Variants in C12orf42 observed in about 807,000 individuals in gnomAD.
C12orf42 encodes uncharacterized protein C12orf42.
C12orf42 carries 25 observed loss-of-function variants against 21.6 expected under a neutral mutation model. That is an observed-to-expected ratio of 1.16 (90% CI 0.84 to 1.62). C12orf42 has a LOEUF of 1.62. Among genes scored for constraint, C12orf42 ranks in the 40% most tolerant of loss-of-function variants. The probability of loss-of-function intolerance (pLI) is 0.00; values close to 1 mark genes in which losing one functional copy is unlikely to be tolerated. For synonymous variants in C12orf42, 174 were observed against 175.0 expected (o/e 0.99, Z 0.05); for missense variants, 483 against 459.3 (o/e 1.05, Z -0.47).
At chr12:103,197,551 C>T in the C12orf42 span, among the ~76,000 whole-genome samples, 2 of 152,100 alleles carry the variant, frequency 1.3e-5, no homozygotes, top group African/African-American at 4.8e-5. Flanking sequence ...ATTCTGAATG[C>T]TATGTCTTTT....
chr12:103,276,216 A>G (rs1239445716), intron 5 of C12orf42, among the ~76,000 whole-genome samples: 1 of 152,232 alleles, frequency 6.6e-6, no homozygotes, highest in Non-Finnish European at 1.5e-5. Context: ...ACTGCAAATA[A>G]TAGTTCTGTA....
chr12:103,481,659 A>C (rs1954481202), intron 1 of C12orf42, among the ~76,000 whole-genome samples: 2 of 151,250 alleles, frequency 1.3e-5, no homozygotes, highest in South Asian at 4.2e-4. Context: ...GTTACTTTAA[A>C]AAAAAAATAC....
the C12orf42 span, among the ~76,000 whole-genome samples, chr12:103,145,083 A>G: frequency 1.8e-4 from 27 of 152,306 alleles, no homozygotes; most frequent in Non-Finnish European, 2.9e-4. Context: ...GATTATCTAG[A>G]AAAGCAATCA....
intron 10 of C12orf42, among the ~76,000 whole-genome samples, chr12:103,243,266 A>G (rs920168077): frequency 1.3e-5 from 2 of 152,002 alleles, no homozygotes; most frequent in East Asian, 1.9e-4. Context: ...GACTCAAACA[A>G]TGCTCCAGCC....
intron 4 of C12orf42, among the ~76,000 whole-genome samples, chr12:103,362,538 C>T (rs1370354496): frequency 1.3e-5 from 2 of 151,956 alleles, no homozygotes; most frequent in East Asian, 1.9e-4. Flanking sequence ...AAAAATAATT[C>T]AGTAGGTCAA....
chr12:103,536,032 T>C, the C12orf42 span, among the ~76,000 whole-genome samples: 14 of 152,174 alleles, frequency 9.2e-5, no homozygotes, highest in South Asian at 8.3e-4. Flanking sequence ...CCTCCTGCCT[T>C]GACCTCCCAA....
chr12:103,207,828 A>G, the C12orf42 span, among the ~76,000 whole-genome samples: 1 of 152,172 alleles, frequency 6.6e-6, no homozygotes, highest in Non-Finnish European at 1.5e-5. Flanking sequence ...ACAACATAAA[A>G]AGGCTAAGAA....
chr12:103,098,573 T>C, the C12orf42 span, among the ~76,000 whole-genome samples: 2 of 152,220 alleles, frequency 1.3e-5, no homozygotes, highest in African/African-American at 4.8e-5. Flanking sequence ...TCAATGCATG[T>C]CATCTCTCAC....
At chr12:103,434,701 A>G (rs1233520257) in intron 2 of C12orf42, among the ~76,000 whole-genome samples, 1 of 152,200 alleles carries the variant, frequency 6.6e-6, no homozygotes, top group Non-Finnish European at 1.5e-5. Flanking sequence ...ACCGGCTTAA[A>G]AAACACCGCA....
chr12:103,215,528 G>T, the C12orf42 span, among the ~76,000 whole-genome samples: 8 of 149,114 alleles, frequency 5.4e-5, no homozygotes, highest in African/African-American at 1.9e-4. Flanking sequence ...CAATTAAAAG[G>T]CTATAACCCC....
the C12orf42 span, among the ~76,000 whole-genome samples, chr12:103,135,212 T>C: frequency 8.5e-5 from 13 of 152,238 alleles, no homozygotes; most frequent in African/African-American, 2.9e-4. Flanking sequence ...CCCAGCACTG[T>C]TGAAGATAGA....
the C12orf42 span, among the ~76,000 whole-genome samples, chr12:103,216,132 T>C: frequency 3.3e-4 from 50 of 152,296 alleles, no homozygotes; most frequent in African/African-American, 1.2e-3. Flanking sequence ...GAAACTAAGA[T>C]AAATTTTCTC....
the C12orf42 span, among the ~76,000 whole-genome samples, chr12:103,518,474 C>CTTAAT: frequency 6.6e-6 from 1 of 152,162 alleles, no homozygotes; most frequent in Non-Finnish European, 1.5e-5. Flanking sequence ...CTGACTCTCC[C>CTTAAT]TTAAGTAGGG....
intron 4 of C12orf42, among the ~76,000 whole-genome samples, chr12:103,361,926 G>T (rs549252572): frequency 9.2e-5 from 14 of 152,134 alleles, no homozygotes; most frequent in African/African-American, 3.4e-4. Context: ...ACCCACCCTG[G>T]TAGCTGAAGA....
chr12:103,296,887 G>C (rs960714320), intron 4 of C12orf42, among the ~76,000 whole-genome samples: 1 of 152,088 alleles, frequency 6.6e-6, no homozygotes, highest in African/African-American at 2.4e-5. Context: ...GTCAATTTTG[G>C]CTTTTGTTGC....
chr12:103,196,054 T>C, the C12orf42 span, among the ~76,000 whole-genome samples: 1 of 152,182 alleles, frequency 6.6e-6, no homozygotes, highest in African/African-American at 2.4e-5. Context: ...AGGAGTCTTT[T>C]GATATGGGCA....
At chr12:103,170,180 G>C in the C12orf42 span, among the ~76,000 whole-genome samples, 1 of 152,012 alleles carries the variant, frequency 6.6e-6, no homozygotes, top group Admixed American at 6.6e-5. Context: ...ATTTTGGAGT[G>C]TCCCAGATTT....
Position 103,292,770 on chromosome 12 carries a change from AT to A in C12orf42, n.338-15561del, listed in dbSNP as rs1357344719. 1.2e-4 allele frequency among the ~76,000 whole-genome samples: 18 copies of A among 152,230 alleles called. No homozygotes were observed. The East Asian group carries it at 3.5e-3, about 29-fold the overall frequency. ...TATTCATCTTTAAATATATTTTGAAATTCATGCATATATTCTGAAATCTAAA... is the reference window on the plus strand; with the variant it reads ...TATTCATCTTTAAATATATTTTGAAATCATGCATATATTCTGAAATCTAAA... On this transcript the variant is annotated intron_variant and non_coding_transcript_variant, in intron 4 of 6. Coordinates refer to the C12orf42 transcript ENST00000546526.
intron 4 of C12orf42, among the ~76,000 whole-genome samples, chr12:103,358,427 A>G (rs777396683): frequency 4.6e-5 from 7 of 152,080 alleles, no homozygotes; most frequent in Non-Finnish European, 1.0e-4. Flanking sequence ...CAGGAGTAAG[A>G]GCAATTCATC....
Sources: allele counts gnomAD v4.1 joint callset (sites outside exome capture counted in the v4.1 genomes callset), GRCh38; gene constraint gnomAD v4.1.1; transcripts MANE v1.5; gene names NCBI Gene and HGNC (gene_info 2026-07-23, HGNC 2026-07-21).